Variants in DCDC1 observed in about 807,000 individuals in gnomAD.
The protein encoded by DCDC1 is doublecortin domain-containing protein 1.
DCDC1 carries 200 observed loss-of-function variants against 178.3 expected under a neutral mutation model. The observed-to-expected ratio is 1.12, with a 90% CI of 1.00 to 1.26. The LOEUF is 1.26. DCDC1 is among the 50% of genes most tolerant of loss of function. The probability of loss-of-function intolerance (pLI) is 0.00; values close to 1 mark genes in which losing one functional copy is unlikely to be tolerated. For synonymous variants in DCDC1, 690 were observed against 604.8 expected, an observed-to-expected ratio of 1.14 and a Z score of -2.07; for missense variants, 1,983 against 1,749.2, an observed-to-expected ratio of 1.13 and a Z score of -2.38.
intron 20 of DCDC1, among the ~76,000 whole-genome samples, chr11:31,019,976 T>G (rs998347039): frequency 1.3e-5 from 2 of 152,146 alleles, no homozygotes; most frequent in African/African-American, 4.8e-5. Flanking sequence ...ATAACGCACC[T>G]CATTCCTCTT....
At chr11:31,145,910 C>G (rs1964393750) in intron 9 of DCDC1, among the ~76,000 whole-genome samples, 1 of 152,048 alleles carries the variant, frequency 6.6e-6, no homozygotes, top group East Asian at 1.9e-4. Flanking sequence ...TTGGCTTAGT[C>G]TATCAATACA....
intron 25 of DCDC1, among the ~76,000 whole-genome samples, chr11:30,917,518 T>C (rs1274865053): frequency 2.6e-5 from 4 of 152,190 alleles, no homozygotes; most frequent in Non-Finnish European, 5.9e-5. Flanking sequence ...GAAACTCAAA[T>C]AGCATCTGCA....
At chr11:30,946,754 A>T (rs1057280080) in intron 21 of DCDC1, among the ~76,000 whole-genome samples, 5 of 152,230 alleles carry the variant, frequency 3.3e-5, no homozygotes, top group African/African-American at 9.6e-5. Context: ...AGGATAAATT[A>T]TTTCTAAAAA....
chr11:31,018,568 G>T (rs1241287154), intron 20 of DCDC1, among the ~76,000 whole-genome samples: 1 of 152,142 alleles, frequency 6.6e-6, no homozygotes, highest in Admixed American at 6.5e-5. Context: ...TCACGGAAGG[G>T]TACTAACTAC....
At chr11:31,143,452 G>C (rs208107) in intron 9 of DCDC1, among the ~76,000 whole-genome samples, 1 of 151,848 alleles carries the variant, frequency 6.6e-6, no homozygotes, top group East Asian at 1.9e-4. Flanking sequence ...CCAATCAGCT[G>C]AAGTAGTAGA....
chr11:31,110,827 T>G (rs1959154321), intron 11 of DCDC1, among the ~76,000 whole-genome samples: 1 of 152,222 alleles, frequency 6.6e-6, no homozygotes, highest in South Asian at 2.1e-4. Flanking sequence ...AGCGTTCAGC[T>G]AATCTTTTGG....
At chr11:30,895,365 C>T (rs934048940) in intron 34 of DCDC1, among the ~76,000 whole-genome samples, 1 of 152,134 alleles carries the variant, frequency 6.6e-6, no homozygotes, top group Non-Finnish European at 1.5e-5. Flanking sequence ...CAGCTCCTAA[C>T]AGGAGTTGCT....
intron 6 of DCDC1, among the ~76,000 whole-genome samples, chr11:31,292,616 G>A (rs1947313121): frequency 6.6e-6 from 1 of 152,106 alleles, no homozygotes; most frequent in Admixed American, 6.6e-5. Context: ...AGGGAGGAGA[G>A]GGGATTGAAG....
At chr11:31,213,696 G>C (rs749431946) in intron 9 of DCDC1, among the ~76,000 whole-genome samples, 1 of 151,328 alleles carries the variant, frequency 6.6e-6, no homozygotes, top group Non-Finnish European at 1.5e-5. Context: ...CTCCAGCTTG[G>C]GTGACAGAGC....
intron 9 of DCDC1, among the ~76,000 whole-genome samples, chr11:31,162,174 G>T (rs1966372623): frequency 6.6e-6 from 1 of 152,052 alleles, no homozygotes; most frequent in Non-Finnish European, 1.5e-5. Context: ...AAGTATTTTT[G>T]AATTATGTTA....
chr11:31,327,930 A>C (rs893344224), intron 3 of DCDC1, among the ~76,000 whole-genome samples, 187 bp downstream of exon 3: 2 of 151,942 alleles, frequency 1.3e-5, no homozygotes, highest in Non-Finnish European at 2.9e-5. Context: ...GGGTTTCACC[A>C]TGTTGGCCAG....
chr11:31,103,775 A>G lies in DCDC1; in HGVS notation c.1752-6T>C. Reference sequence around the variant, plus strand: ...AAGCAAGATTTAGTGGAGATCTGAAAAACGGATAAAACATCAAAACTATCT... The same window carrying G: ...AAGCAAGATTTAGTGGAGATCTGAAGAACGGATAAAACATCAAAACTATCT... On this transcript the variant is annotated splice_region_variant and splice_polypyrimidine_tract_variant and intron_variant, in intron 13 of 38. Transcript: ENST00000684477. The G allele has an allele frequency of 2.6e-6, 2 of 758,412 alleles. No individual in the cohort carries two copies. Among genetic ancestry groups the G allele is most frequent in the South Asian group, 2.8e-5 (2 of 72,346 alleles). 47.0% of individuals were successfully genotyped at this position (758,412 alleles called of 1,614,324 possible). A position where few individuals can be genotyped will look rare whatever the true frequency, so the allele number is the denominator to read the frequency against.
chr11:31,071,257 C>A (rs1471972150), intron 18 of DCDC1, among the ~76,000 whole-genome samples: 2 of 152,102 alleles, frequency 1.3e-5, no homozygotes, highest in African/African-American at 2.4e-5. Flanking sequence ...TAAAGACATG[C>A]CACAATATAT....
chr11:31,022,052 G>A (rs1236181054), intron 20 of DCDC1, among the ~76,000 whole-genome samples: 1 of 152,050 alleles, frequency 6.6e-6, no homozygotes, highest in African/African-American at 2.4e-5. Context: ...TCCACATGGA[G>A]TCCCCTTGCT....
At chr11:31,302,461 G>T (rs1948178086) in intron 6 of DCDC1, among the ~76,000 whole-genome samples, 1 of 152,038 alleles carries the variant, frequency 6.6e-6, no homozygotes, top group South Asian at 2.1e-4. Context: ...ATTAATAAAT[G>T]TCAGAAACTT....
chr11:30,873,762 A>T (rs1228867464), intron 38 of DCDC1, among the ~76,000 whole-genome samples: 1 of 152,194 alleles, frequency 6.6e-6, no homozygotes, highest in Non-Finnish European at 1.5e-5. Context: ...TTGTACATAT[A>T]AAAATGTATA....
intron 9 of DCDC1, among the ~76,000 whole-genome samples, chr11:31,168,063 C>T (rs140773070): frequency 3.3e-5 from 5 of 152,286 alleles, no homozygotes; most frequent in Admixed American, 6.5e-5. Context: ...ATACAATGTA[C>T]TCATCTTTTG....
At chr11:31,359,619 C>A (rs1378749787) in intron 1 of DCDC1, among the ~76,000 whole-genome samples, 3 of 152,106 alleles carry the variant, frequency 2.0e-5, no homozygotes, top group African/African-American at 4.8e-5. Context: ...CCTGTAGCTT[C>A]AGGAAACATG....
intron 9 of DCDC1, among the ~76,000 whole-genome samples, chr11:31,221,647 C>T (rs564066057): frequency 6.6e-6 from 1 of 152,304 alleles, no homozygotes; most frequent in East Asian, 1.9e-4. Flanking sequence ...AGTATCTCTG[C>T]TGGCATAACC....
Sources: allele counts gnomAD v4.1 joint callset (sites outside exome capture counted in the v4.1 genomes callset), GRCh38; gene constraint gnomAD v4.1.1; transcripts MANE v1.5; gene names NCBI Gene and HGNC (gene_info 2026-07-23, HGNC 2026-07-21).